The following KLHL9 variants were observed in gnomAD, a reference collection of about 807,000 sequenced individuals.
KLHL9 encodes kelch-like protein 9.
In KLHL9, 27 loss-of-function variants were observed where a neutral mutation model predicts 42.3. That is an observed-to-expected ratio of 0.64 (90% CI 0.47 to 0.88). The LOEUF (loss-of-function observed/expected upper bound fraction) is 0.88, where lower values mean the gene tolerates loss of function less well. KLHL9 is among the 40% of genes least tolerant of loss of function. The pLI is 0.00. For missense variants in KLHL9, 629 were observed against 750.3 expected, an observed-to-expected ratio of 0.84 and a Z score of 1.89; for synonymous variants, 274 against 254.4, an observed-to-expected ratio of 1.08 and a Z score of -0.73.
Position 21,332,719 on chromosome 9 carries a change from G to A in KLHL9, c.*287C>T. 1 of 350,722 alleles carries A rather than the reference G, an allele frequency of 2.9e-6. No individual in the cohort carries two copies. Among genetic ancestry groups the A allele is most frequent in the Non-Finnish European group, 5.1e-6 (1 of 194,606 alleles). The allele number at this position is 350,722 out of a possible 1,614,324, so 21.7% of individuals were successfully genotyped here. On this transcript the variant is annotated 3_prime_UTR_variant, in exon 1 of 1. Transcript: ENST00000359039. ...TGAAAACTCAACTTTGAAGCATAAT[G>A]GACATAATTACACATTTACCACAGT...
In KLHL9 at chr9:21,333,302, G is replaced by C; in HGVS notation, c.1558C>G (p.Pro520Ala). ...DDVLSCEYYSPTLDQWTPIAA... is the reference protein window; with the variant it reads ...DDVLSCEYYSATLDQWTPIAA... ...ATTGGGGTCCACTGGTCAAGGGTTG[G>C]TGAATAGTATTCACAGCTTAGAACA... Residue 520 changes from proline to alanine, a missense_variant, in exon 1 of 1, where the codon CCA becomes GCA. Coordinates refer to ENST00000359039, the MANE Select transcript of KLHL9 (RefSeq NM_018847.4). The surrounding 1 kb of genome is among the most constrained non-coding windows in gnomAD (Gnocchi z 7.5). The C allele has an allele frequency of 6.2e-7, 1 of 1,614,174 alleles. No individual in the cohort carries two copies. The highest frequency in any genetic ancestry group is 8.5e-7 in the Non-Finnish European group (1 of 1,180,020).
At position 21,331,054 on chromosome 9, in the gene KLHL9, C is replaced by T. The variant is rs1361443928; in HGVS notation, c.*1952G>A. 6.6e-6 allele frequency: 1 copy of T among 152,266 alleles called. No homozygotes were observed. The highest frequency in any genetic ancestry group is 1.5e-5 in the Non-Finnish European group (1 of 67,970). The allele number at this position is 152,266 out of a possible 1,614,324, so 9.4% of individuals were successfully genotyped here. A position where few individuals can be genotyped will look rare whatever the true frequency, so the allele number is the denominator to read the frequency against. ...ATTACATTTATTATATAAAGAGATC[C>T]TATAACTTGATACGAAAAACAAAGC... On this transcript the variant is annotated 3_prime_UTR_variant, in exon 1 of 1. Coordinates refer to ENST00000359039, the MANE Select transcript of KLHL9 (RefSeq NM_018847.4).
At position 21,332,979 on chromosome 9, in the gene KLHL9, G is replaced by A. The variant is rs373390426; in HGVS notation, c.*27C>T. ...GGGGAAGTATTAGATCACCCATGAC[G>A]TACTGCAAAGGTGTTACACCTTAGA... is the stretch of plus-strand genomic sequence containing the variant. On this transcript the variant is annotated 3_prime_UTR_variant, in exon 1 of 1. Coordinates refer to ENST00000359039, the MANE Select transcript of KLHL9 (RefSeq NM_018847.4). 1.2e-5 allele frequency: 20 copies of A among 1,613,632 alleles called. No homozygotes were observed. The highest frequency in any genetic ancestry group is 6.7e-5 in the East Asian group (3 of 44,882).
In KLHL9 at chr9:21,333,031, A is replaced by AGAGGTGATTCTCTAG; in HGVS notation, c.1814_1828dup (p.Pro609_Leu610insProArgGluSerPro). 1 of 1,614,192 alleles carries AGAGGTGATTCTCTAG rather than the reference A, an allele frequency of 6.2e-7. No individual in the cohort carries two copies. Among genetic ancestry groups the AGAGGTGATTCTCTAG allele is most frequent in the Non-Finnish European group, 8.5e-7 (1 of 1,180,012 alleles). ...CTAAGAATGATCTGAAGGTGCTGAA[A>AGAGGTGATTCTCTAG]GAGGTGATTCTCTAGAAGGTGACCC... On this transcript the variant is annotated inframe_insertion, in exon 1 of 1. Transcript: ENST00000359039. This position sits in a 1 kb window ranked among gnomAD's most constrained non-coding sequence, Gnocchi z 7.5.
rs1820250472 is a variant in KLHL9, at chr9:21,335,250, G to A, written c.-391C>T. On this transcript the variant is annotated 5_prime_UTR_variant, in exon 1 of 1. Transcript: ENST00000359039. ...CGGACACCTCAGCGAACGGCCCGCTGCGCCCTCCGCTGTACCTAGAGTGTC... is the reference window on the plus strand; with the variant it reads ...CGGACACCTCAGCGAACGGCCCGCTACGCCCTCCGCTGTACCTAGAGTGTC... The A allele has an allele frequency of 2.1e-6, 1 of 483,168 alleles. No homozygotes were observed. The highest frequency in any genetic ancestry group is 3.8e-6 in the Non-Finnish European group (1 of 266,486). The allele number at this position is 483,168 out of a possible 1,614,324, so 29.9% of individuals were successfully genotyped here.
In KLHL9 at chr9:21,330,374, CAA is replaced by C. The variant is rs1414630480; in HGVS notation, c.*2630_*2631del. 2 of 152,250 alleles carry C rather than the reference CAA, an allele frequency of 1.3e-5. No individual in the cohort carries two copies. The highest frequency in any genetic ancestry group is 4.8e-5 in the African/African-American group (2 of 41,548). 9.4% of individuals were successfully genotyped at this position (152,250 alleles called of 1,614,324 possible). On this transcript the variant is annotated 3_prime_UTR_variant, in exon 1 of 1. Transcript: ENST00000359039. ...CTACTTGTGGCATCCTGTTGGCCCT[CAA>C]AAAGTTTTAAATTTTGGAGCAATTT...
At position 21,330,502 on chromosome 9, in the gene KLHL9, A is replaced by G. The variant is rs2133026041; in HGVS notation, c.*2504T>C. The G allele has an allele frequency of 6.6e-6, 1 of 152,262 alleles. No homozygotes were observed. The highest frequency in any genetic ancestry group is 1.9e-4 in the East Asian group (1 of 5,200). 9.4% of individuals were successfully genotyped at this position (152,262 alleles called of 1,614,324 possible). On this transcript the variant is annotated 3_prime_UTR_variant, in exon 1 of 1. Transcript: ENST00000359039. The stretch of plus-strand genomic sequence containing the variant: ...TGTCAACTGCAGAATACGGGAAAGT[A>G]AAAAAATGAGAGGCAGGGTGGGTGA...
chr9:21,331,520 C>T lies in KLHL9; in HGVS notation c.*1486G>A, dbSNP rs529374590. ...TGTGTGTGTGTATTACACACACACACAATGTATATATAAATTTTTTTTCTT... is the reference window on the plus strand; with the variant it reads ...TGTGTGTGTGTATTACACACACACATAATGTATATATAAATTTTTTTTCTT... On this transcript the variant is annotated 3_prime_UTR_variant, in exon 1 of 1. Transcript: ENST00000359039. The T allele has an allele frequency of 3.6e-3, 547 of 151,834 alleles. 2 individuals are homozygous for T. The highest frequency in any genetic ancestry group is 0.013 in the African/African-American group (523 of 41,286). The allele number at this position is 151,834 out of a possible 1,614,324, so 9.4% of individuals were successfully genotyped here.
Position 21,332,811 on chromosome 9 carries a change from G to T in KLHL9, c.*195C>A. 6 of 775,504 alleles carry T rather than the reference G, an allele frequency of 7.7e-6. No homozygotes were observed. The highest frequency in any genetic ancestry group is 9.4e-6 in the Non-Finnish European group (5 of 529,528). 48.0% of individuals were successfully genotyped at this position (775,504 alleles called of 1,614,324 possible). ...ATTTTTCTACGTCTTTTTTTCATTT[G>T]TTAAAACAGCTATGTTAAATACATT... is the stretch of plus-strand genomic sequence containing the variant. On this transcript the variant is annotated 3_prime_UTR_variant, in exon 1 of 1. Transcript: ENST00000359039.
At position 21,334,062 on chromosome 9, in the gene KLHL9, G is replaced by A. The variant is rs764487124; in HGVS notation, c.798C>T (p.Cys266=). The A allele has an allele frequency of 2.5e-6, 4 of 1,614,126 alleles. No homozygotes were observed. The South Asian group carries it at 3.3e-5, about 13-fold the overall frequency. ...TGCTAGCTTCCAAAAGCAAATTCAC[G>A]CAGGTATTGTCTGTTCTCATGAAAT... ...TVDFMRTDNT[C]VNLLLEASNY... The change falls in exon 1 of 1, where the codon TGC becomes TGT. Residue 266 remains cysteine, a synonymous_variant. Coordinates refer to ENST00000359039, the MANE Select transcript of KLHL9 (RefSeq NM_018847.4). This position sits in a 1 kb window ranked among gnomAD's most constrained non-coding sequence, Gnocchi z 5.1.
rs1177522648 is a variant in KLHL9, at chr9:21,329,809, CAT to C, written c.*3195_*3196del. ...TACTATTAATAGAAATTATCTTCAA[CAT>C]GTGGAATCACTGATAAATTAGTTTG... On this transcript the variant is annotated 3_prime_UTR_variant, in exon 1 of 1. Transcript: ENST00000359039. The C allele has an allele frequency of 6.6e-6, 1 of 150,890 alleles. No homozygotes were observed. The highest frequency in any genetic ancestry group is 1.5e-5 in the Non-Finnish European group (1 of 67,754). 9.3% of individuals were successfully genotyped at this position (150,890 alleles called of 1,614,324 possible).
Position 21,333,286 on chromosome 9 carries a change from C to T in KLHL9, c.1574G>A (p.Trp525Ter). The T allele has an allele frequency of 6.2e-7, 1 of 1,614,166 alleles. No individual in the cohort carries two copies. The highest frequency in any genetic ancestry group is 8.5e-7 in the Non-Finnish European group (1 of 1,180,012). ...CEYYSPTLDQ[W>*]TPIAAMLRGQ... ...TCTTAACATGGCGGCAATTGGGGTC[C>T]ACTGGTCAAGGGTTGGTGAATAGTA... is the stretch of plus-strand genomic sequence containing the variant. The change falls in exon 1 of 1, where the codon TGG (tryptophan) becomes TAG (stop). Residue 525 changes from tryptophan to a stop codon, truncating the protein, a stop_gained. Transcript: ENST00000359039. LOFTEE classifies it high-confidence loss of function. This position sits in a 1 kb window ranked among gnomAD's most constrained non-coding sequence, Gnocchi z 7.5.
chr9:21,332,179 A>C lies in KLHL9; in HGVS notation c.*827T>G, dbSNP rs1820182993. 6.6e-6 allele frequency: 1 copy of C among 152,654 alleles called. No individual in the cohort carries two copies. Among genetic ancestry groups the C allele is most frequent in the South Asian group, 2.1e-4 (1 of 4,834 alleles). The allele number at this position is 152,654 out of a possible 1,614,324, so 9.5% of individuals were successfully genotyped here. A position where few individuals can be genotyped will look rare whatever the true frequency, so the allele number is the denominator to read the frequency against. On this transcript the variant is annotated 3_prime_UTR_variant, in exon 1 of 1. Coordinates refer to ENST00000359039, the MANE Select transcript of KLHL9 (RefSeq NM_018847.4). ...CTTCATCTGAAGTAACGGTTTAGTCACATGACAAATTTGGTTGTCGATTTA... is the reference window on the plus strand; with the variant it reads ...CTTCATCTGAAGTAACGGTTTAGTCCCATGACAAATTTGGTTGTCGATTTA...
rs1187833227 is a variant in KLHL9, at chr9:21,331,451, T to C, written c.*1555A>G. 2 of 152,342 alleles carry C rather than the reference T, an allele frequency of 1.3e-5. No homozygotes were observed. The highest frequency in any genetic ancestry group is 1.9e-4 in the East Asian group (1 of 5,178). 9.4% of individuals were successfully genotyped at this position (152,342 alleles called of 1,614,324 possible). A position where few individuals can be genotyped will look rare whatever the true frequency, so the allele number is the denominator to read the frequency against. On this transcript the variant is annotated 3_prime_UTR_variant, in exon 1 of 1. Coordinates refer to ENST00000359039, the MANE Select transcript of KLHL9 (RefSeq NM_018847.4). ...TATGGGATTGTCAATAAGGAGAAAG[T>C]TGTTCCTGATTTACATGCTGACAAT...
In KLHL9 at chr9:21,333,150, T is replaced by C; in HGVS notation, c.1710A>G (p.Glu570=). 6.2e-7 allele frequency: 1 copy of C among 1,614,190 alleles called. No individual in the cohort carries two copies. The highest frequency in any genetic ancestry group is 8.5e-7 in the Non-Finnish European group (1 of 1,180,034). ...MVEIVQKYDP[E]KDEWHKVFDL... The stretch of plus-strand genomic sequence containing the variant: ...CAAAAACTTTATGCCACTCATCTTT[T>C]TCTGGGTCATATTTCTGGACAATTT... The change falls in exon 1 of 1, where the codon GAA becomes GAG. Residue 570 remains glutamate (E), a synonymous_variant. Coordinates refer to ENST00000359039, the MANE Select transcript of KLHL9 (RefSeq NM_018847.4). This position sits in a 1 kb window ranked among gnomAD's most constrained non-coding sequence, Gnocchi z 7.5.
rs970499307 is a variant in KLHL9 at position 21,334,768 on chromosome 9, G to C, written c.92C>G (p.Thr31Ser). 1 of 1,612,704 alleles carries C rather than the reference G, an allele frequency of 6.2e-7. No homozygotes were observed. ...GCCTTGCAATACCACCGAACTGTGAGTATTGCTGGTAAAAAAGCGTGTGGT... is the reference window on the plus strand; with the variant it reads ...GCCTTGCAATACCACCGAACTGTGACTATTGCTGGTAAAAAAGCGTGTGGT... ...AGTTRFFTSN[T>S]HSSVVLQGFD... is the part of the protein sequence containing the mutation. Residue 31 changes from threonine (T) to serine (S), a missense_variant, in exon 1 of 1, where the codon ACT becomes AGT. Thr to Ser is a moderately conservative substitution (Grantham distance 58). Transcript: ENST00000359039. This position sits in a 1 kb window ranked among gnomAD's most constrained non-coding sequence, Gnocchi z 5.1.
rs1433320936 is a variant in KLHL9, at chr9:21,330,920, C to T, written c.*2086G>A. ...ACTGCACAACAGTGAGACCCTGTCTCAAAAAAAAAAAAAGACAAATTTGAT... is the reference window on the plus strand; with the variant it reads ...ACTGCACAACAGTGAGACCCTGTCTTAAAAAAAAAAAAAGACAAATTTGAT... On this transcript the variant is annotated 3_prime_UTR_variant, in exon 1 of 1. Coordinates refer to ENST00000359039, the MANE Select transcript of KLHL9 (RefSeq NM_018847.4). The T allele has an allele frequency of 3.3e-5, 4 of 120,318 alleles. No individual in the cohort carries two copies. The highest frequency in any genetic ancestry group is 7.1e-5 in the Non-Finnish European group (4 of 56,006). 7.5% of individuals were successfully genotyped at this position (120,318 alleles called of 1,614,324 possible). A position where few individuals can be genotyped will look rare whatever the true frequency, so the allele number is the denominator to read the frequency against.
chr9:21,334,264 G>GC lies in KLHL9; in HGVS notation c.595dup (p.Ala199GlyfsTer7), dbSNP rs1820226328. On this transcript the variant is annotated frameshift_variant, in exon 1 of 1. Coordinates refer to ENST00000359039, the MANE Select transcript of KLHL9 (RefSeq NM_018847.4). LOFTEE classifies it high-confidence loss of function. The surrounding 1 kb of genome is among the most constrained non-coding windows in gnomAD (Gnocchi z 5.1). ...AAGACTATTACTGGAAAGCACAAAT[G>GC]CAAGTCGTTCAAAAGGGAGTTTTAG... 3 of 1,614,078 alleles carry GC rather than the reference G, an allele frequency of 1.9e-6. No individual in the cohort carries two copies. The highest frequency in any genetic ancestry group is 2.5e-6 in the Non-Finnish European group (3 of 1,179,960).
chr9:21,333,675 A>C lies in KLHL9; in HGVS notation c.1185T>G (p.Ser395Arg). ...LNEKRTFFHL[S>R]ALKGHLYAVG... Reference sequence around the variant, plus strand: ...CTGCATACAAATGTCCTTTGAGGGCACTCAAGTGAAAGAATGTGCGCTTTT... The same window carrying C: ...CTGCATACAAATGTCCTTTGAGGGCCCTCAAGTGAAAGAATGTGCGCTTTT... Residue 395 changes from serine to arginine, a missense_variant, in exon 1 of 1, where the codon AGT (serine) becomes AGG (arginine). Coordinates refer to ENST00000359039, the MANE Select transcript of KLHL9 (RefSeq NM_018847.4). The surrounding 1 kb of genome is among the most constrained non-coding windows in gnomAD (Gnocchi z 7.5). 1 of 1,614,236 alleles carries C rather than the reference A, an allele frequency of 6.2e-7. No individual in the cohort carries two copies. Among genetic ancestry groups the C allele is most frequent in the Non-Finnish European group, 8.5e-7 (1 of 1,180,036 alleles).
Sources: allele counts gnomAD v4.1 joint callset, GRCh38; gene constraint gnomAD v4.1.1; non-coding constraint Gnocchi (gnomAD v3.1); transcripts MANE v1.5; gene names NCBI Gene and HGNC (gene_info 2026-07-23, HGNC 2026-07-21).